RANBP2: variants seen among roughly 807,000 people sequenced by gnomAD.
RANBP2 encodes the protein RAN binding protein 2.
In RANBP2, 57 loss-of-function variants were observed where a neutral mutation model predicts 303.6. The ratio of observed to expected loss-of-function variants is 0.19; its 90% CI spans 0.15 to 0.23. The LOEUF (loss-of-function observed/expected upper bound fraction) is 0.23, where lower values mean the gene tolerates loss of function less well. Ranked by LOEUF, RANBP2 falls within the 10% of genes least tolerant of loss-of-function variation. RANBP2 has a pLI of 1.00. For synonymous variants in RANBP2, 1,167 were observed against 1,301.5 expected (o/e 0.90, Z 2.23); for missense variants, 3,138 against 3,780.8 (o/e 0.83, Z 4.46).
chr2:109,501,846 C>T, the RANBP2 span: 1 of 585,046 alleles, frequency 1.7e-6, no homozygotes, highest in African/African-American at 1.9e-5. Context: ...TGCCTTCTCC[C>T]AAAACCCCCA....
downstream of RANBP2, among the ~76,000 whole-genome samples, chr2:108,786,438 C>G (rs937073167): frequency 6.6e-6 from 1 of 151,988 alleles, no homozygotes; most frequent in African/African-American, 2.4e-5. Context: ...TAGCAAAGGT[C>G]ACTTCTGATG....
chr2:109,350,197 G>A, the RANBP2 span, among the ~76,000 whole-genome samples: 3 of 152,166 alleles, frequency 2.0e-5, no homozygotes, highest in Non-Finnish European at 4.4e-5. Flanking sequence ...GGGGGTAGCC[G>A]AGCAGGGGTC....
rs1573732921 is a variant in RANBP2 at position 108,740,690 on chromosome 2, TC to T, written c.975+11del. On this transcript the variant is annotated intron_variant, in intron 7 of 28. Transcript: ENST00000283195. ...ATCTCATAGCATTTCAGGTAAGTCT[TC>T]CACTTGTAGGAGCAATTGACATTTC... 1.3e-6 allele frequency: 2 copies of T among 1,597,522 alleles called. No individual in the cohort carries two copies. Among genetic ancestry groups the T allele is most frequent in the Non-Finnish European group, 1.7e-6 (2 of 1,179,762 alleles).
the RANBP2 span, among the ~76,000 whole-genome samples, chr2:109,227,436 CAAGT>C: frequency 6.6e-6 from 1 of 152,184 alleles, no homozygotes; most frequent in Non-Finnish European, 1.5e-5. Flanking sequence ...TTCTCACAGT[CAAGT>C]AAAAACCAAA....
the RANBP2 span, among the ~76,000 whole-genome samples, chr2:109,331,105 C>G: frequency 6.6e-6 from 1 of 152,222 alleles, no homozygotes; most frequent in Non-Finnish European, 1.5e-5. Flanking sequence ...AGAAGCTCTT[C>G]CAAGATGGCC....
At chr2:108,736,336 A>C (rs1308701965) in intron 6 of RANBP2, 87 bp downstream of exon 6, 57 of 1,606,440 alleles carry the variant, frequency 3.5e-5, no homozygotes, top group Middle Eastern at 2.3e-4. Context: ...TCTTCACTGA[A>C]TCATTATTTG....
the RANBP2 span, among the ~76,000 whole-genome samples, chr2:109,518,802 G>A: frequency 6.6e-6 from 1 of 151,906 alleles, no homozygotes; most frequent in Non-Finnish European, 1.5e-5. Context: ...TGTACAGGAA[G>A]CAACTGCTCA....
the RANBP2 span, among the ~76,000 whole-genome samples, chr2:109,682,691 A>C: frequency 6.6e-6 from 1 of 152,096 alleles, no homozygotes; most frequent in South Asian, 2.1e-4. Context: ...TGTAATCTTA[A>C]CTGTTTGGGA....
chr2:109,387,103 A>G, the RANBP2 span, among the ~76,000 whole-genome samples: 1 of 152,232 alleles, frequency 6.6e-6, no homozygotes, highest in East Asian at 1.9e-4. Flanking sequence ...AACGAGGTGA[A>G]ACGTTGTTAG....
At chr2:109,205,010 C>G in the RANBP2 span, among the ~76,000 whole-genome samples, 2 of 152,108 alleles carry the variant, frequency 1.3e-5, no homozygotes, top group Non-Finnish European at 2.9e-5. Context: ...GAGGTTGAGA[C>G]CGGCCTGGTC....
At chr2:108,908,080 TCTC>T in the RANBP2 span, 30 of 1,524,002 alleles carry the variant, frequency 2.0e-5, no homozygotes, top group Admixed American at 3.8e-4. Context: ...CCTGACAAGT[TCTC>T]CTGTGGTGAA....
the RANBP2 span, chr2:108,883,910 T>C: frequency 2.0e-5 from 3 of 151,456 alleles, no homozygotes; most frequent in Middle Eastern, 6.8e-3. Flanking sequence ...TCCTAAATAA[T>C]GTGAACTTGT....
chr2:109,162,879 C>A, the RANBP2 span, among the ~76,000 whole-genome samples: 3 of 152,008 alleles, frequency 2.0e-5, no homozygotes, highest in South Asian at 2.1e-4. Flanking sequence ...AGATGATTAC[C>A]AAAAAAACCA....
At chr2:108,901,781 T>C in the RANBP2 span, among the ~76,000 whole-genome samples, 1 of 152,216 alleles carries the variant, frequency 6.6e-6, no homozygotes, top group African/African-American at 2.4e-5. Flanking sequence ...AACAGACTTA[T>C]AACTATTAAG....
chr2:109,719,648 G>A, the RANBP2 span, among the ~76,000 whole-genome samples: 2 of 150,714 alleles, frequency 1.3e-5, no homozygotes, highest in Non-Finnish European at 3.0e-5. Context: ...CTCGTGATCC[G>A]CTAGCCTCGG....
chr2:109,241,487 A>G, the RANBP2 span, among the ~76,000 whole-genome samples: 2 of 152,020 alleles, frequency 1.3e-5, no homozygotes, highest in African/African-American at 2.4e-5. Flanking sequence ...GAAATTTCCT[A>G]CATAAGCTCG....
the RANBP2 span, among the ~76,000 whole-genome samples, chr2:109,434,095 T>A: frequency 6.6e-6 from 1 of 152,240 alleles, no homozygotes; most frequent in Non-Finnish European, 1.5e-5. Flanking sequence ...TGGCCTGGAG[T>A]TGGGCTCACC....
At chr2:109,400,292 CAT>C in the RANBP2 span, among the ~76,000 whole-genome samples, 15 of 152,034 alleles carry the variant, frequency 9.9e-5, no homozygotes, top group Admixed American at 5.9e-4. Context: ...CTCCCACGCA[CAT>C]GTGCACTCAT....
At chr2:108,844,184 A>C in the RANBP2 span, among the ~76,000 whole-genome samples, 1 of 151,770 alleles carries the variant, frequency 6.6e-6, no homozygotes. Flanking sequence ...TTTCAGCCCT[A>C]CCTGATTTTT....
Sources: gnomAD v4.1 joint callset for allele counts (sites outside exome capture counted in the v4.1 genomes callset) on GRCh38, gnomAD v4.1.1 for gene constraint, MANE v1.5 for transcripts, NCBI Gene and HGNC (gene_info 2026-07-23, HGNC 2026-07-21) for gene names.